Variants in CPT1A observed in about 807,000 individuals in gnomAD.
CPT1A encodes the protein carnitine palmitoyltransferase 1A.
CPT1A carries 64 observed loss-of-function variants against 100.8 expected under a neutral mutation model. The observed-to-expected ratio is 0.63, with a 90% CI of 0.52 to 0.78. The LOEUF (loss-of-function observed/expected upper bound fraction) is 0.78, where lower values mean the gene tolerates loss of function less well. Among genes scored for constraint, CPT1A ranks in the 30% least tolerant of loss-of-function variants. The pLI is 0.00. For synonymous variants in CPT1A, 363 were observed against 396.0 expected (o/e 0.92, Z 0.99); for missense variants, 802 against 1,034.1 (o/e 0.78, Z 3.08).
At chr11:68,801,318 G>A (rs558443113) in intron 5 of CPT1A, among the ~76,000 whole-genome samples, 1 of 152,192 alleles carries the variant, frequency 6.6e-6, no homozygotes, top group South Asian at 2.1e-4. Flanking sequence ...TGATTTGCAA[G>A]CGTGGGCACA....
intron 12 of CPT1A, among the ~76,000 whole-genome samples, chr11:68,780,329 C>A (rs1006585324): frequency 2.0e-5 from 3 of 152,236 alleles, no homozygotes; most frequent in Non-Finnish European, 2.9e-5. Context: ...GTCGCCCAGG[C>A]CGGAGTGCAG....
intron 9 of CPT1A, among the ~76,000 whole-genome samples, chr11:68,785,564 A>G (rs1416435820): frequency 4.4e-5 from 5 of 114,442 alleles, no homozygotes; most frequent in Non-Finnish European, 9.9e-5. Flanking sequence ...CCATCTCAGG[A>G]AAAAAAAAAA....
intron 1 of CPT1A, 75 bp from the exon 2 acceptor site, chr11:68,815,562 C>A: frequency 7.0e-7 from 1 of 1,425,672 alleles, no homozygotes; most frequent in South Asian, 1.2e-5. Context: ...ACAGAAGTGC[C>A]ATTCCTTCTG....
In CPT1A at chr11:68,841,315, A is replaced by G. The variant is rs1267492774; in HGVS notation, c.-14+460T>C. Among the ~76,000 whole-genome samples the G allele has an allele frequency of 6.6e-6, 1 of 151,272 alleles. No individual in the cohort carries two copies. The highest frequency in any genetic ancestry group is 1.5e-5 in the Non-Finnish European group (1 of 67,740). On this transcript the variant is annotated intron_variant, in intron 1 of 18. Coordinates refer to ENST00000265641, the MANE Select transcript of CPT1A (RefSeq NM_001876.4). The surrounding 1 kb of genome is among the most constrained non-coding windows in gnomAD (Gnocchi z 6.3). ...TGGCCCCGGGCGAAGGCATCCTGGA[A>G]AGCATCCAGAGCGTCCAGCATCCCT...
intron 1 of CPT1A, among the ~76,000 whole-genome samples, chr11:68,832,046 T>A (rs1466291037): frequency 6.6e-6 from 1 of 152,174 alleles, no homozygotes. Context: ...ACTAGCACCC[T>A]AGGAAATGGG....
intron 3 of CPT1A, among the ~76,000 whole-genome samples, chr11:68,811,757 T>C (rs1253627165): frequency 6.6e-6 from 1 of 152,002 alleles, no homozygotes; most frequent in Non-Finnish European, 1.5e-5. Flanking sequence ...GTCTGGGCCA[T>C]CTCCAGAACT....
intron 1 of CPT1A, among the ~76,000 whole-genome samples, chr11:68,838,571 T>TAAAAAAAAA (rs1177976460): frequency 0.01 from 761 of 74,160 alleles, 152 homozygotes; most frequent in Middle Eastern, 0.057. Context: ...CTGCACCTTT[T>TAAAAAAAAA]TAAAAAAAAA....
At chr11:68,795,685 G>A (rs543462232) in intron 7 of CPT1A, among the ~76,000 whole-genome samples, 139 of 152,250 alleles carry the variant, frequency 9.1e-4, no homozygotes, top group African/African-American at 3.2e-3. Flanking sequence ...CGAGGCGCAC[G>A]GATCACCTGA....
chr11:68,793,432 A>C, intron 8 of CPT1A, 30 bp from the exon 9 acceptor site: 5 of 1,544,782 alleles, frequency 3.2e-6, no homozygotes, highest in Non-Finnish European at 3.5e-6. Flanking sequence ...CAAACCAACA[A>C]CGAAAATCCC....
At chr11:68,764,596 G>A (rs1279456791) in intron 14 of CPT1A, among the ~76,000 whole-genome samples, 2 of 152,056 alleles carry the variant, frequency 1.3e-5, no homozygotes, top group African/African-American at 2.4e-5. Flanking sequence ...CACAGGACCC[G>A]CTCAGCCGGG....
chr11:68,794,396 A>G (rs1855700366), intron 8 of CPT1A, among the ~76,000 whole-genome samples: 1 of 151,690 alleles, frequency 6.6e-6, no homozygotes, highest in Non-Finnish European at 1.5e-5. Context: ...AAGTTAGCAA[A>G]CTCTACACTT....
At chr11:68,782,835 G>A (rs887902210) in intron 10 of CPT1A, among the ~76,000 whole-genome samples, 12 of 152,308 alleles carry the variant, frequency 7.9e-5, no homozygotes, top group African/African-American at 2.9e-4. Context: ...CAAAGGTGAC[G>A]CTGACGGTGG....
chr11:68,800,490 CAAA>C (rs57450875), intron 5 of CPT1A, among the ~76,000 whole-genome samples: 6 of 78,974 alleles, frequency 7.6e-5, no homozygotes, highest in African/African-American at 1.6e-4. Flanking sequence ...CCCATCTCTG[CAAA>C]AAAAAAAAAA....
chr11:68,834,698 G>A (rs1354715927), intron 1 of CPT1A, among the ~76,000 whole-genome samples: 1 of 152,124 alleles, frequency 6.6e-6, no homozygotes, highest in African/African-American at 2.4e-5. Context: ...CTATGATCAC[G>A]CCACTGCACT....
chr11:68,768,796 T>C (rs964911374), intron 14 of CPT1A, among the ~76,000 whole-genome samples: 6 of 152,182 alleles, frequency 3.9e-5, no homozygotes, highest in African/African-American at 1.4e-4. Context: ...GTCAAAGTTA[T>C]TCTTCCCCGA....
chr11:68,802,635 G>A (rs1280307019), intron 5 of CPT1A, among the ~76,000 whole-genome samples: 1 of 152,044 alleles, frequency 6.6e-6, no homozygotes, highest in Non-Finnish European at 1.5e-5. Flanking sequence ...TCAGGAGGCT[G>A]AGGCAGGAGA....
At chr11:68,812,652 A>G in intron 2 of CPT1A, 76 bp from the exon 3 acceptor site, 1 of 1,573,836 alleles carries the variant, frequency 6.4e-7, no homozygotes, top group Non-Finnish European at 8.7e-7. Flanking sequence ...GGCCCCTGGC[A>G]GCAGGGCTGC....
Position 68,754,930 on chromosome 11 carries a change from C to A in CPT1A, c.*2714G>T. The A allele has an allele frequency of 1.3e-6, 1 of 755,210 alleles. No homozygotes were observed. Among genetic ancestry groups the A allele is most frequent in the Non-Finnish European group, 2.5e-6 (1 of 400,316 alleles). The allele number at this position is 755,210 out of a possible 1,614,324, so 46.8% of individuals were successfully genotyped here. ...TTTTATTAATGATAACCTACATTCA[C>A]ACTGCATTTCTAAGATTTACATCCA... On this transcript the variant is annotated 3_prime_UTR_variant, in exon 19 of 19. Coordinates refer to ENST00000265641, the MANE Select transcript of CPT1A (RefSeq NM_001876.4).
intron 1 of CPT1A, among the ~76,000 whole-genome samples, chr11:68,838,427 G>A (rs1405798418): frequency 6.6e-6 from 1 of 151,788 alleles, no homozygotes; most frequent in Non-Finnish European, 1.5e-5. Flanking sequence ...AAGCTAGCAA[G>A]CAGAAAAAAG....
Sources: allele counts gnomAD v4.1 joint callset (sites outside exome capture counted in the v4.1 genomes callset), GRCh38; gene constraint gnomAD v4.1.1; non-coding constraint Gnocchi (gnomAD v3.1); transcripts MANE v1.5; gene names NCBI Gene and HGNC (gene_info 2026-07-23, HGNC 2026-07-21).